Variants in PHF24 observed in about 807,000 individuals in gnomAD.
PHF24 encodes Galpha inhibitory interacting protein.
A neutral mutation model predicts 42.6 loss-of-function variants in PHF24; 25 were observed. The observed-to-expected ratio is 0.59, with a 90% CI of 0.43 to 0.82. The LOEUF is 0.82. PHF24 is among the 40% of genes least tolerant of loss of function. PHF24 has a pLI of 0.00. For synonymous variants in PHF24, 185 were observed against 204.8 expected (o/e 0.90, Z 0.83); for missense variants, 470 against 538.1 (o/e 0.87, Z 1.25).
the PHF24 span, among the ~76,000 whole-genome samples, chr9:34,876,319 A>G: frequency 6.6e-6 from 1 of 152,218 alleles, no homozygotes; most frequent in African/African-American, 2.4e-5. Flanking sequence ...CTCAGCATTA[A>G]AAAGAAATGA....
At chr9:34,677,719 T>C in the PHF24 span, among the ~76,000 whole-genome samples, 1 of 152,150 alleles carries the variant, frequency 6.6e-6, no homozygotes, top group East Asian at 1.9e-4. Flanking sequence ...AATGAGATCA[T>C]GTTACTCCTC....
chr9:34,794,100 G>C, the PHF24 span, among the ~76,000 whole-genome samples: 1 of 152,008 alleles, frequency 6.6e-6, no homozygotes, highest in Non-Finnish European at 1.5e-5. Context: ...ATACTCATGG[G>C]CTCACCTCCA....
the PHF24 span, chr9:34,837,718 T>A: frequency 2.0e-6 from 3 of 1,477,062 alleles, no homozygotes; most frequent in Non-Finnish European, 2.8e-6. Context: ...ACAAAAACAT[T>A]AGAATGTGAA....
At chr9:34,839,340 T>C in the PHF24 span, among the ~76,000 whole-genome samples, 1 of 152,214 alleles carries the variant, frequency 6.6e-6, no homozygotes, top group South Asian at 2.1e-4. Flanking sequence ...CATCTCTGGA[T>C]GTATTCTGTT....
the PHF24 span, among the ~76,000 whole-genome samples, chr9:34,761,312 C>CA: frequency 1.6e-5 from 1 of 63,548 alleles, no homozygotes; most frequent in Non-Finnish European, 5.0e-5. Flanking sequence ...TGCACATTGT[C>CA]AGTTTTTTTT....
the PHF24 span, among the ~76,000 whole-genome samples, chr9:34,752,851 A>G: frequency 6.6e-6 from 1 of 152,150 alleles, no homozygotes; most frequent in Admixed American, 6.5e-5. Context: ...AACAAGTAGA[A>G]TTTATCCCAG....
At chr9:34,893,333 G>T in the PHF24 span, among the ~76,000 whole-genome samples, 1 of 152,130 alleles carries the variant, frequency 6.6e-6, no homozygotes, top group African/African-American at 2.4e-5. Flanking sequence ...GGACATAGTG[G>T]CTCATGCCTC....
chr9:34,919,691 T>TACACACAC, the PHF24 span, among the ~76,000 whole-genome samples: 2 of 148,298 alleles, frequency 1.3e-5, no homozygotes, highest in Non-Finnish European at 3.0e-5. Flanking sequence ...ACCCAGTAAT[T>TACACACAC]ACACACACAC....
the PHF24 span, among the ~76,000 whole-genome samples, chr9:34,874,741 G>A: frequency 3.3e-5 from 5 of 152,260 alleles, no homozygotes; most frequent in African/African-American, 9.6e-5. Context: ...CCAGTCAAAG[G>A]TAAGTTAGTA....
chr9:34,903,627 G>A, the PHF24 span, among the ~76,000 whole-genome samples: 2 of 152,328 alleles, frequency 1.3e-5, no homozygotes, highest in East Asian at 1.9e-4. Context: ...GAGCAAGGCT[G>A]GATCCAAAGG....
At chr9:34,843,042 C>T in the PHF24 span, among the ~76,000 whole-genome samples, 1 of 152,040 alleles carries the variant, frequency 6.6e-6, no homozygotes, top group Admixed American at 6.6e-5. Flanking sequence ...AAACATTTTT[C>T]CTATTGTGTT....
upstream of PHF24, among the ~76,000 whole-genome samples, chr9:34,953,912 G>A (rs1826313975): frequency 6.6e-6 from 1 of 152,080 alleles, no homozygotes; most frequent in Non-Finnish European, 1.5e-5. The surrounding 1 kb of genome is among the most constrained non-coding windows in gnomAD (Gnocchi z 4.1). Flanking sequence ...CTCCAGCCTG[G>A]ACAACAGAGC....
chr9:34,855,831 G>A, the PHF24 span, among the ~76,000 whole-genome samples: 2 of 152,276 alleles, frequency 1.3e-5, no homozygotes, highest in East Asian at 3.9e-4. Flanking sequence ...TTGCTAAGTT[G>A]GGGAAGTTCT....
the PHF24 span, among the ~76,000 whole-genome samples, chr9:34,936,902 C>T: frequency 6.6e-6 from 1 of 151,192 alleles, no homozygotes; most frequent in Non-Finnish European, 1.5e-5. Flanking sequence ...GTGAGGAGCC[C>T]CTCTGCCCGG....
At chr9:34,925,809 C>T in the PHF24 span, among the ~76,000 whole-genome samples, 1 of 152,054 alleles carries the variant, frequency 6.6e-6, no homozygotes, top group African/African-American at 2.4e-5. Context: ...GGGCCTGTTA[C>T]TAGAGAATTG....
chr9:34,745,067 A>G, the PHF24 span, among the ~76,000 whole-genome samples: 11 of 152,344 alleles, frequency 7.2e-5, no homozygotes, highest in South Asian at 8.3e-4. Flanking sequence ...TGGATGCTAA[A>G]GGAGTGCAGG....
chr9:34,924,303 T>C, the PHF24 span, among the ~76,000 whole-genome samples: 1 of 150,670 alleles, frequency 6.6e-6, no homozygotes, highest in Non-Finnish European at 1.5e-5. Context: ...TCTGTAAATT[T>C]TGATTAGGTC....
At chr9:34,724,352 T>G in the PHF24 span, 2 of 1,551,180 alleles carry the variant, frequency 1.3e-6, no homozygotes, top group African/African-American at 2.7e-5. Flanking sequence ...GGCCAGCTGT[T>G]CTTTAAGGTG....
At chr9:34,781,387 C>A in the PHF24 span, among the ~76,000 whole-genome samples, 24 of 152,178 alleles carry the variant, frequency 1.6e-4, no homozygotes, top group Admixed American at 1.3e-3. Context: ...AATGAGGGAC[C>A]TGTAATAGGC....
Sources: gnomAD v4.1 joint callset for allele counts (sites outside exome capture counted in the v4.1 genomes callset) on GRCh38, gnomAD v4.1.1 for gene constraint, Gnocchi (gnomAD v3.1) non-coding constraint, MANE v1.5 for transcripts, NCBI Gene and HGNC (gene_info 2026-07-23, HGNC 2026-07-21) for gene names.